Variants in UBR4 observed in about 807,000 individuals in gnomAD.
The protein encoded by UBR4 is E3 ubiquitin-protein ligase UBR4.
In UBR4, 124 loss-of-function variants were observed where a neutral mutation model predicts 575.6. The ratio of observed to expected loss-of-function variants is 0.22; its 90% CI spans 0.19 to 0.25. The LOEUF (loss-of-function observed/expected upper bound fraction) is 0.25. UBR4 is among the 10% of genes least tolerant of loss of function. The pLI, the probability that UBR4 is intolerant of heterozygous loss-of-function variation, is 1.00. For missense variants in UBR4, 4,818 were observed against 6,478.8 expected (o/e 0.74, Z 8.80); for synonymous variants, 2,455 against 2,473.7 (o/e 0.99, Z 0.22).
intron 11 of UBR4, among the ~76,000 whole-genome samples, chr1:19,187,878 C>T (rs952509075): frequency 6.6e-6 from 1 of 151,906 alleles, no homozygotes; most frequent in African/African-American, 2.4e-5. Context: ...AGCTTGGCAA[C>T]CTAGAGAGGG....
At chr1:19,177,369 G>A (rs2151041505) in intron 19 of UBR4, 92 bp downstream of exon 19, 3 of 1,509,288 alleles carry the variant, frequency 2.0e-6, no homozygotes, top group Non-Finnish European at 1.8e-6. Flanking sequence ...ACCTAAAGTG[G>A]GTAGGTCATT....
intron 58 of UBR4, among the ~76,000 whole-genome samples, chr1:19,140,495 G>A (rs1403914836): frequency 1.3e-5 from 2 of 152,206 alleles, no homozygotes; most frequent in Non-Finnish European, 2.9e-5. Flanking sequence ...AAAGAACGCT[G>A]GAAGCTGAAG....
rs1043905 is a variant in UBR4 at position 19,084,635 on chromosome 1, A to C, written c.14877T>G (p.His4959Gln). The C allele has an allele frequency of 1.9e-6, 3 of 1,613,948 alleles. No homozygotes were observed. The Admixed American group carries it at 5.0e-5, about 27-fold the overall frequency. ...QREPTYQLNI[H>Q]DIKLLFLRFA... The stretch of plus-strand genomic sequence containing the variant: ...AGCGCAGGAAGAGCAGTTTGATGTC[A>C]TGGATGTTGAGCTGATACGTGGGCT... The change falls in exon 102 of 106, where the codon CAT becomes CAG. Residue 4959 changes from histidine (H) to glutamine (Q), a missense_variant. Transcript: ENST00000375254.
chr1:19,176,746 T>C lies in UBR4; in HGVS notation c.2638-19A>G, dbSNP rs187758300. ...GCTGTACCTTTTAAAACACAAATAC[T>C]GAAATTAAGAAAGATACACAGTCAC... is the stretch of plus-strand genomic sequence containing the variant. On this transcript the variant is annotated intron_variant, in intron 19 of 105. Transcript: ENST00000375254. 6.2e-7 allele frequency: 1 copy of C among 1,610,796 alleles called. No individual in the cohort carries two copies. Among genetic ancestry groups the C allele is most frequent in the Admixed American group, 1.7e-5 (1 of 59,746 alleles).
At chr1:19,077,738 A>T in intron 104 of UBR4, 5 of 1,433,506 alleles carry the variant, frequency 3.5e-6, no homozygotes, top group Non-Finnish European at 4.6e-6. Flanking sequence ...CGTCTCAAAA[A>T]AACCAAACCA....
In UBR4 at chr1:19,168,279, C is replaced by T. The variant is rs2088855799; in HGVS notation, c.3742-95G>A. On this transcript the variant is annotated intron_variant, in intron 27 of 105. Transcript: ENST00000375254. ...AAAACTGACATAAACTAAGACCCCA[C>T]TGACGTTTGTAAACAATAGCCTCTA... 2.4e-6 allele frequency: 3 copies of T among 1,261,126 alleles called. No individual in the cohort carries two copies. The African/African-American group carries it at 4.5e-5, about 19-fold the overall frequency. 78.1% of individuals were successfully genotyped at this position (1,261,126 alleles called of 1,614,324 possible). A position where few individuals can be genotyped will look rare whatever the true frequency, so the allele number is the denominator to read the frequency against.
At chr1:19,119,447 G>C in intron 70 of UBR4, 110 bp downstream of exon 70, 1 of 1,418,530 alleles carries the variant, frequency 7.0e-7, no homozygotes, top group Non-Finnish European at 9.6e-7. Context: ...ATTTAAAAGA[G>C]GTTTCCTATA....
intron 61 of UBR4, 24 bp downstream of exon 61, chr1:19,128,954 A>C (rs746850322): frequency 6.3e-7 from 1 of 1,599,986 alleles, no homozygotes; most frequent in Non-Finnish European, 8.6e-7. Flanking sequence ...GACCTGACAG[A>C]GATCCAGGTG....
chr1:19,187,829 C>T (rs1036193696), intron 11 of UBR4, among the ~76,000 whole-genome samples: 6 of 151,944 alleles, frequency 3.9e-5, no homozygotes, highest in East Asian at 1.9e-4. Flanking sequence ...TTTGAGAGGC[C>T]GAGATGAGAG....
chr1:19,199,174 G>A (rs1202229671), intron 3 of UBR4, among the ~76,000 whole-genome samples: 3 of 152,110 alleles, frequency 2.0e-5, no homozygotes, highest in African/African-American at 4.8e-5. Flanking sequence ...AAATTCTCAC[G>A]CTCAAATAAT....
intron 11 of UBR4, among the ~76,000 whole-genome samples, chr1:19,190,292 C>CAAAAAA (rs1184892281): frequency 2.7e-4 from 11 of 40,362 alleles, no homozygotes; most frequent in African/African-American, 9.7e-4. Flanking sequence ...GACTCTGCCT[C>CAAAAAA]AAAAAAAAAA....
At chr1:19,201,181 T>C (rs1042931732) in intron 2 of UBR4, among the ~76,000 whole-genome samples, 23 of 151,988 alleles carry the variant, frequency 1.5e-4, no homozygotes, top group African/African-American at 2.2e-4. Flanking sequence ...TCAGAACTAT[T>C]TGAGTCAAGA....
At chr1:19,125,808 G>A (rs533915592) in intron 64 of UBR4, 1 of 153,896 alleles carries the variant, frequency 6.5e-6, no homozygotes, top group East Asian at 1.9e-4. Context: ...CTATTCTGAG[G>A]GGGCAGTGAG....
At chr1:19,079,879 A>G (rs963972039) in intron 103 of UBR4, 2 of 152,242 alleles carry the variant, frequency 1.3e-5, no homozygotes, top group African/African-American at 4.8e-5. Context: ...ATTTAAGGCC[A>G]ATTAGTAAAG....
chr1:19,160,827 C>A, intron 38 of UBR4, 90 bp downstream of exon 38: 1 of 1,250,212 alleles, frequency 8.0e-7, no homozygotes, highest in Non-Finnish European at 1.1e-6. Flanking sequence ...AAATGAGTTG[C>A]AAGGGGAGCC....
rs1017474197 is a variant in UBR4 at position 19,093,667 on chromosome 1, C to T, written c.13938-181G>A. ...CCCTGTTTACCTGCTATGTCTCCCA[C>T]GCTCACAGCCTTCTCTTGCACTCAC... On this transcript the variant is annotated intron_variant, in intron 95 of 105. Transcript: ENST00000375254. The surrounding 1 kb of genome is among the most constrained non-coding windows in gnomAD (Gnocchi z 4.8). Among the ~76,000 whole-genome samples, 3 of 152,252 alleles carry T rather than the reference C, an allele frequency of 2.0e-5. No individual in the cohort carries two copies. The highest frequency in any genetic ancestry group is 6.5e-5 in the Admixed American group (1 of 15,290).
At chr1:19,168,226 C>T (rs1334622347) in intron 27 of UBR4, 42 bp from the exon 28 acceptor site, 2 of 1,477,410 alleles carry the variant, frequency 1.4e-6, no homozygotes, top group East Asian at 2.4e-5. Context: ...AGACCATCTA[C>T]CCTGGAAAAA....
chr1:19,163,737 C>A (rs183929773), intron 34 of UBR4, 27 bp downstream of exon 34: 1 of 1,612,086 alleles, frequency 6.2e-7, no homozygotes, highest in Non-Finnish European at 8.5e-7. Context: ...CCCTTCACCC[C>A]CCATTGTCAT....
At chr1:19,151,355 C>A in intron 48 of UBR4, 1 of 500,016 alleles carries the variant, frequency 2.0e-6, no homozygotes, top group East Asian at 3.7e-5. Flanking sequence ...TCTGCCTCCT[C>A]TCGGCCTAAA....
Sources: gnomAD v4.1 joint callset for allele counts (sites outside exome capture counted in the v4.1 genomes callset) on GRCh38, gnomAD v4.1.1 for gene constraint, Gnocchi (gnomAD v3.1) non-coding constraint, MANE v1.5 for transcripts, NCBI Gene and HGNC (gene_info 2026-07-23, HGNC 2026-07-21) for gene names.